The following SPDYA variants were observed in gnomAD, a reference collection of about 807,000 sequenced individuals.
SPDYA encodes the protein speedy/RINGO cell cycle regulator family member A.
A neutral mutation model predicts 36.7 loss-of-function variants in SPDYA; 11 were observed. The observed-to-expected ratio is 0.30, with a 90% CI of 0.19 to 0.50. SPDYA has a LOEUF of 0.50. Ranked by LOEUF, SPDYA falls within the 20% of genes least tolerant of loss-of-function variation. SPDYA has a pLI of 0.98. For synonymous variants in SPDYA, 115 were observed against 118.7 expected (o/e 0.97, Z 0.20); for missense variants, 287 against 370.9 (o/e 0.77, Z 1.86).
rs1238302987 is a variant in SPDYA at position 28,829,786 on chromosome 2, C to CA, written c.552+475dup. 1.1e-3 allele frequency among the ~76,000 whole-genome samples: 172 copies of CA among 151,220 alleles called. 1 individual carries two copies. The highest frequency in any genetic ancestry group is 3.9e-3 in the African/African-American group (160 of 41,300). On this transcript the variant is annotated intron_variant, in intron 6 of 7. Coordinates refer to ENST00000334056, the MANE Select transcript of SPDYA (RefSeq NM_182756.4). Reference sequence around the variant, plus strand: ...GTGAAACCCGTCTCTACTAAAAATACAAAAAAAATTAGCCGGGCGTGGTGG... The same window carrying CA: ...GTGAAACCCGTCTCTACTAAAAATACAAAAAAAAATTAGCCGGGCGTGGTGG...
rs1668721152 is a variant in SPDYA, at chr2:28,840,386, C to CA, written c.768dup (p.Glu257ArgfsTer18). The CA allele has an allele frequency of 1.9e-6, 3 of 1,612,504 alleles. No homozygotes were observed. The highest frequency in any genetic ancestry group is 2.5e-6 in the Non-Finnish European group (3 of 1,179,406). ...TTATCCAGTCATACAGCAGGGGTGACAGAAAAACATTCTCAGGACTCATAC... is the reference window on the plus strand; with the variant it reads ...TTATCCAGTCATACAGCAGGGGTGACAAGAAAAACATTCTCAGGACTCATAC... On this transcript the variant is annotated frameshift_variant, in exon 7 of 8. Transcript: ENST00000334056. LOFTEE classifies it high-confidence loss of function.
intron 7 of SPDYA, among the ~76,000 whole-genome samples, chr2:28,841,716 G>A (rs1457565839): frequency 6.6e-6 from 1 of 152,062 alleles, no homozygotes; most frequent in Non-Finnish European, 1.5e-5. Context: ...CCATTTCTTG[G>A]CCATAGTAAT....
chr2:28,827,497 G>C (rs1228774463), intron 5 of SPDYA, among the ~76,000 whole-genome samples: 2 of 152,048 alleles, frequency 1.3e-5, no homozygotes, highest in East Asian at 1.9e-4. Flanking sequence ...GTCTGTTACT[G>C]TTCTTGGTAC....
chr2:28,848,871 C>T (rs939043066), intron 7 of SPDYA, among the ~76,000 whole-genome samples: 1 of 151,946 alleles, frequency 6.6e-6, no homozygotes, highest in Non-Finnish European at 1.5e-5. Context: ...TGACAAACCC[C>T]GTCTCTACCA....
intron 3 of SPDYA, 22 bp from the exon 4 acceptor site, chr2:28,819,026 T>G: frequency 6.3e-7 from 1 of 1,586,872 alleles, no homozygotes; most frequent in Non-Finnish European, 8.6e-7. Flanking sequence ...AAAAGACAAG[T>G]TATAGCTATC....
chr2:28,813,932 G>A (rs1344206411), intron 1 of SPDYA, among the ~76,000 whole-genome samples: 1 of 152,116 alleles, frequency 6.6e-6, no homozygotes, highest in Non-Finnish European at 1.5e-5. Flanking sequence ...GATGAGGTGG[G>A]CAGGAAAGAG....
rs1477684252 is a variant in SPDYA, at chr2:28,811,682, C to T, written c.-93+735C>T. ...ATAATGAAAAAAAAAATTAACCGGG[C>T]ATGGTGGTGCGCACTTGTAATCCCA... On this transcript the variant is annotated intron_variant, in intron 1 of 7. Coordinates refer to ENST00000334056, the MANE Select transcript of SPDYA (RefSeq NM_182756.4). The surrounding 1 kb of genome is among the most constrained non-coding windows in gnomAD (Gnocchi z 4.2). Among the ~76,000 whole-genome samples the T allele has an allele frequency of 2.0e-5, 3 of 152,014 alleles. No homozygotes were observed. The highest frequency in any genetic ancestry group is 4.4e-5 in the Non-Finnish European group (3 of 68,020).
At chr2:28,814,940 A>G (rs2148074500) in intron 2 of SPDYA, among the ~76,000 whole-genome samples, 1 of 152,300 alleles carries the variant, frequency 6.6e-6, no homozygotes, top group East Asian at 1.9e-4. Context: ...ATTCATATAC[A>G]CTTATAATCA....
chr2:28,832,912 C>T (rs1668511679), intron 6 of SPDYA, among the ~76,000 whole-genome samples: 1 of 146,182 alleles, frequency 6.8e-6, no homozygotes, highest in Non-Finnish European at 1.5e-5. Flanking sequence ...GAGATCATGG[C>T]TCATTGCAGC....
At position 28,824,142 on chromosome 2, in the gene SPDYA, T is replaced by G. The variant is rs140085331; in HGVS notation, c.380+1732T>G. ...GCTGTCAGCACTGAAGGTAAAGTTT[T>G]TACTCAAAGTGTATTTAATTCAGAA... On this transcript the variant is annotated intron_variant, in intron 5 of 7. Transcript: ENST00000334056. Among the ~76,000 whole-genome samples, 460 of 152,246 alleles carry G rather than the reference T, an allele frequency of 3.0e-3. 3 individuals are homozygous for G. Among genetic ancestry groups the G allele is most frequent in the African/African-American group, 0.01 (433 of 41,536 alleles).
chr2:28,822,434 A>T, intron 5 of SPDYA, 24 bp downstream of exon 5: 1 of 1,286,412 alleles, frequency 7.8e-7, no homozygotes, highest in Non-Finnish European at 1.1e-6. Context: ...CTACTAAGTG[A>T]TTGTTGTGTT....
chr2:28,829,374 T>C, intron 6 of SPDYA, 55 bp downstream of exon 6: 1 of 1,539,534 alleles, frequency 6.5e-7, no homozygotes, highest in Non-Finnish European at 8.7e-7. Flanking sequence ...TTTATCTTAT[T>C]ATCCTTGTTT....
intron 6 of SPDYA, among the ~76,000 whole-genome samples, chr2:28,835,787 G>A (rs1011643205): frequency 2.6e-5 from 4 of 152,228 alleles, no homozygotes; most frequent in African/African-American, 4.8e-5. Flanking sequence ...TCCTGTAGGC[G>A]TATAGAAAAG....
intron 4 of SPDYA, among the ~76,000 whole-genome samples, chr2:28,821,784 C>G (rs1668175718): frequency 6.6e-6 from 1 of 152,134 alleles, no homozygotes; most frequent in South Asian, 2.1e-4. Flanking sequence ...ATGTATCTTT[C>G]TAATAATACA....
intron 7 of SPDYA, among the ~76,000 whole-genome samples, chr2:28,841,097 GAT>G (rs1668741986): frequency 6.6e-6 from 1 of 151,880 alleles, no homozygotes; most frequent in African/African-American, 2.4e-5. Context: ...ACCATGCCCA[GAT>G]AGTTTTTGTG....
intron 4 of SPDYA, among the ~76,000 whole-genome samples, chr2:28,820,313 T>G (rs1047339727): frequency 9.9e-5 from 15 of 152,034 alleles, no homozygotes; most frequent in South Asian, 2.1e-4. Context: ...AAATTTCAGC[T>G]TTGTCGCTCA....
At chr2:28,830,362 C>G (rs1021663527) in intron 6 of SPDYA, among the ~76,000 whole-genome samples, 5 of 151,938 alleles carry the variant, frequency 3.3e-5, no homozygotes, top group Non-Finnish European at 7.4e-5. Context: ...CGCCACCATG[C>G]CTGGCTAATG....
At chr2:28,841,033 C>CAAT (rs1668740824) in intron 7 of SPDYA, among the ~76,000 whole-genome samples, 1 of 147,206 alleles carries the variant, frequency 6.8e-6, no homozygotes, top group Admixed American at 7.1e-5. Context: ...CTCCCAGGTT[C>CAAT]GGGTGATTCT....
In SPDYA at chr2:28,840,360, T is replaced by G. The variant is rs1345296489; in HGVS notation, c.741T>G (p.Ser247=). The change falls in exon 7 of 8, where the codon TCT becomes TCG. Residue 247 remains serine (S), a synonymous_variant. Transcript: ENST00000334056. ...YVRLGLSSSS[S]LSSHTAGVTE... ...GACTGGGATTGTCTTCATCATCATCTTTATCCAGTCATACAGCAGGGGTGA... is the reference window on the plus strand; with the variant it reads ...GACTGGGATTGTCTTCATCATCATCGTTATCCAGTCATACAGCAGGGGTGA... The G allele has an allele frequency of 2.5e-6, 4 of 1,611,386 alleles. No individual in the cohort carries two copies. The South Asian group carries it at 3.3e-5, about 13-fold the overall frequency.
Sources: allele counts gnomAD v4.1 joint callset (sites outside exome capture counted in the v4.1 genomes callset), GRCh38; gene constraint gnomAD v4.1.1; non-coding constraint Gnocchi (gnomAD v3.1); transcripts MANE v1.5; gene names NCBI Gene and HGNC (gene_info 2026-07-23, HGNC 2026-07-21).